CTNNA2: variants seen among roughly 807,000 people sequenced by gnomAD.
CTNNA2 encodes catenin alpha 2, also known as catenin alpha-2.
In CTNNA2, 42 loss-of-function variants were observed where a neutral mutation model predicts 101.0. That is an observed-to-expected ratio of 0.42 (90% CI 0.32 to 0.54). CTNNA2 has a LOEUF of 0.54. CTNNA2 is among the 20% of genes least tolerant of loss of function. The probability of loss-of-function intolerance (pLI) is 0.14; values close to 1 mark genes in which losing one functional copy is unlikely to be tolerated. For synonymous variants in CTNNA2, 450 were observed against 456.4 expected (o/e 0.99, Z 0.18); for missense variants, 871 against 1,223.1 (o/e 0.71, Z 4.29).
At chr2:80,149,023 A>ATTTTTTTT (rs34431691) in intron 7 of CTNNA2, among the ~76,000 whole-genome samples, 9 of 124,766 alleles carry the variant, frequency 7.2e-5, no homozygotes, top group Non-Finnish European at 1.2e-4. Flanking sequence ...TTATTTTGTT[A>ATTTTTTTT]TTTTTTTTTT....
chr2:79,515,026 T>A (rs1019676065), intron 1 of CTNNA2, among the ~76,000 whole-genome samples: 2 of 152,206 alleles, frequency 1.3e-5, no homozygotes, highest in African/African-American at 4.8e-5. Flanking sequence ...GATGAAGAGC[T>A]GATAGTTAAT....
chr2:80,161,202 G>C (rs1242524110), intron 7 of CTNNA2, among the ~76,000 whole-genome samples: 1 of 152,102 alleles, frequency 6.6e-6, no homozygotes, highest in African/African-American at 2.4e-5. Context: ...TTTTAGTAGA[G>C]ACAGGGTTTC....
intron 7 of CTNNA2, among the ~76,000 whole-genome samples, chr2:79,942,517 G>A (rs915868284): frequency 3.9e-5 from 6 of 152,170 alleles, no homozygotes; most frequent in Non-Finnish European, 5.9e-5. Flanking sequence ...ATAAAATATA[G>A]CGAGCCCTGA....
At chr2:79,242,523 T>G (rs1297487904) in intron 2 of CTNNA2, among the ~76,000 whole-genome samples, 4 of 152,142 alleles carry the variant, frequency 2.6e-5, no homozygotes, top group African/African-American at 9.7e-5. Context: ...ATTCTGACAC[T>G]TCTCTCAACA....
intron 1 of CTNNA2, among the ~76,000 whole-genome samples, chr2:79,646,423 T>C (rs1289578551): frequency 2.6e-5 from 4 of 152,180 alleles, no homozygotes; most frequent in African/African-American, 9.7e-5. Context: ...CTGTGCCTCT[T>C]TCTTACCACC....
At chr2:80,380,120 T>A in intron 7 of CTNNA2, among the ~76,000 whole-genome samples, 1 of 138,504 alleles carries the variant, frequency 7.2e-6, no homozygotes, top group East Asian at 2.4e-4. Flanking sequence ...CACTGCAAGC[T>A]CCGCCTCCCG....
chr2:80,206,575 A>G (rs1254559807), intron 7 of CTNNA2, among the ~76,000 whole-genome samples: 1 of 152,198 alleles, frequency 6.6e-6, no homozygotes, highest in African/African-American at 2.4e-5. Context: ...GAGAAGAGGT[A>G]TCTACATATA....
chr2:79,817,750 C>T (rs1355286777), intron 3 of CTNNA2, among the ~76,000 whole-genome samples: 1 of 152,216 alleles, frequency 6.6e-6, no homozygotes, highest in South Asian at 2.1e-4. Context: ...GTAAAAAAGG[C>T]AGGAGACAAA....
chr2:79,902,982 G>A (rs1261876255), intron 6 of CTNNA2, among the ~76,000 whole-genome samples: 1 of 152,158 alleles, frequency 6.6e-6, no homozygotes, highest in Non-Finnish European at 1.5e-5. Context: ...GTGCCATACA[G>A]TTTCTGTCCT....
At chr2:79,402,969 C>T (rs1228874128) in intron 4 of CTNNA2, among the ~76,000 whole-genome samples, 1 of 151,564 alleles carries the variant, frequency 6.6e-6, no homozygotes, top group Non-Finnish European at 1.5e-5. Context: ...CAAAGCAGTA[C>T]TTAGAAGATA....
intron 3 of CTNNA2, among the ~76,000 whole-genome samples, chr2:79,797,252 A>C (rs1675789767): frequency 6.6e-6 from 1 of 152,154 alleles, no homozygotes; most frequent in African/African-American, 2.4e-5. Flanking sequence ...GGTAGGATGT[A>C]ATGGAAGATA....
rs149740987 is a variant in CTNNA2, at chr2:80,417,306, T to A, written c.1138-2143T>A. Among the ~76,000 whole-genome samples, 110 of 151,714 alleles carry A rather than the reference T, an allele frequency of 7.3e-4. 1 individual carries two copies. Among genetic ancestry groups the A allele is most frequent in the African/African-American group, 2.0e-3 (83 of 41,494 alleles). ...CCACCTTATCAGCAATTTAAAAATA[T>A]ACAGTATTAGAATATAGTTTTAATA... On this transcript the variant is annotated intron_variant, in intron 8 of 18. Transcript: ENST00000402739.
rs191674195 is a variant in CTNNA2 at position 80,604,979 on chromosome 2, A to G, written c.2295+800A>G. Among the ~76,000 whole-genome samples, 526 of 152,120 alleles carry G rather than the reference A, an allele frequency of 3.5e-3. 5 individuals carry two copies. The highest frequency in any genetic ancestry group is 0.012 in the African/African-American group (491 of 41,542). On this transcript the variant is annotated intron_variant, in intron 16 of 18. Coordinates refer to ENST00000402739, the MANE Select transcript of CTNNA2 (RefSeq NM_001282597.3). ...TCTTATTTAATATGGCTCTCACTCT[A>G]ATGATATTCTTCATAATAACTTATG...
chr2:79,389,837 G>A (rs138505455), intron 4 of CTNNA2, among the ~76,000 whole-genome samples: 30 of 152,090 alleles, frequency 2.0e-4, no homozygotes, highest in African/African-American at 7.2e-4. Context: ...TTTTTCATCT[G>A]CGGGATAATA....
chr2:79,209,744 C>T (rs1674146148), intron 2 of CTNNA2, among the ~76,000 whole-genome samples: 1 of 32,390 alleles, frequency 3.1e-5, no homozygotes, highest in South Asian at 7.0e-4. Context: ...AATATTACTC[C>T]TTAAGGGTCC....
chr2:80,467,204 G>A (rs181135613), intron 9 of CTNNA2, among the ~76,000 whole-genome samples: 115 of 152,250 alleles, frequency 7.6e-4, no homozygotes, highest in African/African-American at 2.6e-3. Context: ...CATGCCACGC[G>A]CTTCCTCACT....
At chr2:80,002,977 C>T (rs1356378003) in intron 7 of CTNNA2, among the ~76,000 whole-genome samples, 1 of 152,128 alleles carries the variant, frequency 6.6e-6, no homozygotes, top group African/African-American at 2.4e-5. Flanking sequence ...TTTCTCTGGG[C>T]TCAGATATTT....
intron 3 of CTNNA2, chr2:79,340,180 G>A (rs1393307783): frequency 6.6e-6 from 1 of 152,134 alleles, no homozygotes; most frequent in Non-Finnish European, 1.5e-5. Flanking sequence ...TGTTTATCAT[G>A]AGTAGATGCT....
Position 80,303,654 on chromosome 2 carries a change from T to A in CTNNA2, c.1057-89557T>A. On this transcript the variant is annotated intron_variant, in intron 7 of 18. Coordinates refer to ENST00000402739, the MANE Select transcript of CTNNA2 (RefSeq NM_001282597.3). The surrounding 1 kb of genome is among the most constrained non-coding windows in gnomAD (Gnocchi z 7.7). ...AGGTTGTGGGGCGCCTCGGTGAGGT[T>A]GAGCGCCTCGCAGTACAGCAGCCGC... 1 of 1,613,100 alleles carries A rather than the reference T, an allele frequency of 6.2e-7. No individual in the cohort carries two copies. The highest frequency in any genetic ancestry group is 1.3e-5 in the African/African-American group (1 of 75,022).
Sources: gnomAD v4.1 joint callset for allele counts (sites outside exome capture counted in the v4.1 genomes callset) on GRCh38, gnomAD v4.1.1 for gene constraint, Gnocchi (gnomAD v3.1) non-coding constraint, MANE v1.5 for transcripts, NCBI Gene and HGNC (gene_info 2026-07-23, HGNC 2026-07-21) for gene names.